Variants in ZDHHC14 observed in about 807,000 individuals in gnomAD.
ZDHHC14 encodes the protein zDHHC palmitoyltransferase 14.
Under a neutral mutation model 47.7 loss-of-function variants are expected in ZDHHC14, and 16 were observed. The ratio of observed to expected loss-of-function variants is 0.34; its 90% CI spans 0.23 to 0.51. The LOEUF is 0.51. ZDHHC14 is among the 20% of genes least tolerant of loss of function. The probability of loss-of-function intolerance (pLI) is 0.97; values close to 1 mark genes in which losing one functional copy is unlikely to be tolerated. For missense variants in ZDHHC14, 515 were observed against 662.5 expected, an observed-to-expected ratio of 0.78 and a Z score of 2.44; for synonymous variants, 293 against 278.9, an observed-to-expected ratio of 1.05 and a Z score of -0.50.
intron 1 of ZDHHC14, among the ~76,000 whole-genome samples, chr6:157,541,398 A>T (rs1162235132): frequency 6.6e-6 from 1 of 152,094 alleles, no homozygotes; most frequent in Non-Finnish European, 1.5e-5. Flanking sequence ...CAGAGACCTG[A>T]ACAGCAGTGG....
intron 1 of ZDHHC14, among the ~76,000 whole-genome samples, chr6:157,451,233 C>G (rs149184833): frequency 7.5e-4 from 114 of 152,224 alleles, no homozygotes; most frequent in African/African-American, 2.5e-3. Context: ...TAGCACAAAT[C>G]AATATCAGAA....
intron 2 of ZDHHC14, among the ~76,000 whole-genome samples, chr6:157,562,769 C>A (rs563219682): frequency 6.6e-6 from 1 of 152,108 alleles, no homozygotes; most frequent in East Asian, 1.9e-4. Flanking sequence ...ATATAGGGAG[C>A]GTTTTATGTG....
intron 1 of ZDHHC14, among the ~76,000 whole-genome samples, chr6:157,465,425 G>T (rs1488009417): frequency 6.6e-6 from 1 of 152,054 alleles, no homozygotes; most frequent in South Asian, 2.1e-4. Flanking sequence ...ACTGAGTGTG[G>T]TAAAAATGCC....
intron 1 of ZDHHC14, among the ~76,000 whole-genome samples, chr6:157,511,467 G>A (rs1346797240): frequency 6.7e-6 from 1 of 150,194 alleles, no homozygotes; most frequent in Non-Finnish European, 1.5e-5. Flanking sequence ...TACAACCTCC[G>A]CCTCCCGGGT....
At chr6:157,540,933 T>TATATATATAA (rs1252700559) in intron 1 of ZDHHC14, among the ~76,000 whole-genome samples, 1 of 143,446 alleles carries the variant, frequency 7.0e-6, no homozygotes, top group African/African-American at 2.8e-5. Flanking sequence ...TATATATATA[T>TATATATATAA]AATTTCATAC....
chr6:157,611,943 G>T (rs1424131097), intron 3 of ZDHHC14, among the ~76,000 whole-genome samples: 4 of 152,074 alleles, frequency 2.6e-5, no homozygotes, highest in Non-Finnish European at 5.9e-5. Context: ...CTCTAGCTCA[G>T]ACCTCTCCTC....
At position 157,562,525 on chromosome 6, in the gene ZDHHC14, G is replaced by T. The variant is rs745335618; in HGVS notation, c.406+19780G>T. On this transcript the variant is annotated intron_variant, in intron 2 of 8. Coordinates refer to ENST00000359775, the MANE Select transcript of ZDHHC14 (RefSeq NM_024630.3). Reference sequence around the variant, plus strand: ...AGGCAGATTTGGGGTGGGGGCTCCCGAGAGGGTCTGTGAAGACTACCACTT... The same window carrying T: ...AGGCAGATTTGGGGTGGGGGCTCCCTAGAGGGTCTGTGAAGACTACCACTT... Among the ~76,000 whole-genome samples, 9 of 152,258 alleles carry T rather than the reference G, an allele frequency of 5.9e-5. No homozygotes were observed. In the South Asian group the frequency reaches 1.7e-3, roughly 28 times the overall value.
intron 1 of ZDHHC14, among the ~76,000 whole-genome samples, chr6:157,537,692 A>C (rs1781591475): frequency 6.6e-6 from 1 of 152,170 alleles, no homozygotes; most frequent in Non-Finnish European, 1.5e-5. Context: ...CTGCCTCATC[A>C]TCTTGTATCA....
In ZDHHC14 at chr6:157,647,257, A is replaced by G. The variant is rs1192623813; in HGVS notation, c.856-2A>G. 6.2e-7 allele frequency: 1 copy of G among 1,610,956 alleles called. No individual in the cohort carries two copies. Among genetic ancestry groups the G allele is most frequent in the Admixed American group, 1.7e-5 (1 of 59,938 alleles). ...TTGTTACTGACTTTCCTTTTCTTTCAGATTAAAGGATCCTGGTCAAATAAA... is the reference window on the plus strand; with the variant it reads ...TTGTTACTGACTTTCCTTTTCTTTCGGATTAAAGGATCCTGGTCAAATAAA... On this transcript the variant is annotated splice_acceptor_variant, in intron 6 of 8. Coordinates refer to ENST00000359775, the MANE Select transcript of ZDHHC14 (RefSeq NM_024630.3). LOFTEE classifies it high-confidence loss of function.
intron 3 of ZDHHC14, among the ~76,000 whole-genome samples, chr6:157,607,416 A>T (rs1224475081): frequency 6.6e-6 from 1 of 152,144 alleles, no homozygotes; most frequent in African/African-American, 2.4e-5. Context: ...AAACAAACCA[A>T]CTACAGTAGG....
chr6:157,544,864 A>G (rs1781910477), intron 2 of ZDHHC14, among the ~76,000 whole-genome samples: 1 of 152,218 alleles, frequency 6.6e-6, no homozygotes, highest in African/African-American at 2.4e-5. Flanking sequence ...AAACACCATT[A>G]CTATATGACC....
At chr6:157,599,428 A>C (rs751152238) in intron 3 of ZDHHC14, among the ~76,000 whole-genome samples, 12 of 152,220 alleles carry the variant, frequency 7.9e-5, no homozygotes, top group Non-Finnish European at 1.5e-4. Flanking sequence ...GGATTCAGAC[A>C]CCTGGGTGGG....
At chr6:157,383,445 A>C (rs1164720784) in intron 1 of ZDHHC14, among the ~76,000 whole-genome samples, 1 of 152,188 alleles carries the variant, frequency 6.6e-6, no homozygotes, top group African/African-American at 2.4e-5. Context: ...GTTTCTGATT[A>C]GGATTAATAG....
At chr6:157,638,273 A>G (rs1460361400) in intron 5 of ZDHHC14, among the ~76,000 whole-genome samples, 2 of 152,138 alleles carry the variant, frequency 1.3e-5, no homozygotes, top group East Asian at 3.9e-4. Context: ...TCTGGCTCAG[A>G]GTCCATAGTC....
intron 1 of ZDHHC14, among the ~76,000 whole-genome samples, chr6:157,506,831 T>C (rs905980092): frequency 6.6e-6 from 1 of 152,198 alleles, no homozygotes; most frequent in African/African-American, 2.4e-5. Flanking sequence ...TTGCATAAAG[T>C]ATCCTAAACA....
At chr6:157,409,338 C>T (rs1289401036) in intron 1 of ZDHHC14, among the ~76,000 whole-genome samples, 1 of 152,144 alleles carries the variant, frequency 6.6e-6, no homozygotes, top group Non-Finnish European at 1.5e-5. Context: ...ATGTGACCTC[C>T]CATCAGGTCT....
chr6:157,412,536 A>T (rs1583622904), intron 1 of ZDHHC14, among the ~76,000 whole-genome samples: 1 of 150,886 alleles, frequency 6.6e-6, no homozygotes, highest in Non-Finnish European at 1.5e-5. Context: ...CAAATGGTCC[A>T]CCCACCTTGG....
At chr6:157,627,873 G>T (rs1785501756) in intron 3 of ZDHHC14, among the ~76,000 whole-genome samples, 2 of 152,228 alleles carry the variant, frequency 1.3e-5, no homozygotes, top group Admixed American at 1.3e-4. Flanking sequence ...ACAAAGGATT[G>T]TCCCTCTGTC....
At chr6:157,665,319 AC>A (rs1177118776) in intron 8 of ZDHHC14, among the ~76,000 whole-genome samples, 1 of 152,142 alleles carries the variant, frequency 6.6e-6, no homozygotes, top group East Asian at 1.9e-4. Context: ...GTTGTTTGCT[AC>A]CCACTCTACC....
Sources: allele counts gnomAD v4.1 joint callset (sites outside exome capture counted in the v4.1 genomes callset), GRCh38; gene constraint gnomAD v4.1.1; transcripts MANE v1.5; gene names NCBI Gene and HGNC (gene_info 2026-07-23, HGNC 2026-07-21).